EFR3A: variants seen among roughly 807,000 people sequenced by gnomAD.
The protein encoded by EFR3A is EFR3 homolog A.
Under a neutral mutation model 104.4 loss-of-function variants are expected in EFR3A, and 76 were observed. The ratio of observed to expected loss-of-function variants is 0.73; its 90% confidence interval spans 0.60 to 0.88. The LOEUF (loss-of-function observed/expected upper bound fraction) is 0.88. EFR3A is among the 40% of genes least tolerant of loss of function. EFR3A has a pLI of 0.00. For missense variants in EFR3A, 985 were observed against 1,012.5 expected, an observed-to-expected ratio of 0.97 and a Z score of 0.37; for synonymous variants, 330 against 330.0, an observed-to-expected ratio of 1.00 and a Z score of 0.00.
At chr8:131,993,941 G>A (rs148424369) in intron 18 of EFR3A, among the ~76,000 whole-genome samples, 18 of 152,174 alleles carry the variant, frequency 1.2e-4, no homozygotes, top group African/African-American at 4.1e-4. Flanking sequence ...GAGGGTGGAG[G>A]GTGGGAGAAA....
intron 1 of EFR3A, among the ~76,000 whole-genome samples, chr8:131,926,972 G>C (rs1817331278): frequency 6.6e-6 from 1 of 152,050 alleles, no homozygotes; most frequent in African/African-American, 2.4e-5. Context: ...TTTCACGGAG[G>C]GGAAAGATGT....
chr8:131,971,233 C>A (rs547231650), intron 10 of EFR3A, among the ~76,000 whole-genome samples: 11 of 152,072 alleles, frequency 7.2e-5, no homozygotes, highest in Non-Finnish European at 1.5e-4. Flanking sequence ...TTCCTTGAAT[C>A]CAAGATTCAG....
intron 10 of EFR3A, among the ~76,000 whole-genome samples, chr8:131,971,612 C>T (rs1586629471): frequency 6.6e-6 from 1 of 151,364 alleles, no homozygotes; most frequent in African/African-American, 2.4e-5. Flanking sequence ...GGCGTGAACC[C>T]GGGAGGCAGA....
intron 14 of EFR3A, among the ~76,000 whole-genome samples, chr8:131,983,429 G>A (rs1055497949): frequency 4.6e-5 from 7 of 151,974 alleles, no homozygotes; most frequent in Non-Finnish European, 7.4e-5. Flanking sequence ...AGTTAATGTC[G>A]CCATTGTGAC....
chr8:131,937,031 T>G (rs1817931162), intron 1 of EFR3A, among the ~76,000 whole-genome samples: 1 of 152,104 alleles, frequency 6.6e-6, no homozygotes, highest in Non-Finnish European at 1.5e-5. Flanking sequence ...GCCTTGGTCT[T>G]TACTGTGACT....
chr8:131,975,974 T>TA (rs1369413403), intron 10 of EFR3A, 53 bp from the exon 11 acceptor site: 1 of 1,107,480 alleles, frequency 9.0e-7, no homozygotes, highest in African/African-American at 1.6e-5. Flanking sequence ...TTTTGTATTA[T>TA]ATGGAAAAGT....
chr8:131,933,042 T>A (rs1817690679), intron 1 of EFR3A, among the ~76,000 whole-genome samples: 1 of 152,246 alleles, frequency 6.6e-6, no homozygotes, highest in East Asian at 1.9e-4. Flanking sequence ...AAGAAGAAAG[T>A]CACTGCTTAC....
intron 7 of EFR3A, among the ~76,000 whole-genome samples, chr8:131,956,532 T>C (rs1819005778): frequency 6.6e-6 from 1 of 152,190 alleles, no homozygotes. Context: ...TAATATTCTG[T>C]GTAATTTCTG....
intron 10 of EFR3A, among the ~76,000 whole-genome samples, chr8:131,971,204 A>G (rs1298182872): frequency 2.0e-5 from 3 of 152,186 alleles, no homozygotes; most frequent in African/African-American, 7.2e-5. Flanking sequence ...TGACCCAATA[A>G]TGTACTATAT....
chr8:131,927,560 G>A (rs73349349), intron 1 of EFR3A, among the ~76,000 whole-genome samples: 44,923 of 130,530 alleles, frequency 0.34, 7,421 homozygotes, highest in East Asian at 0.53. Context: ...TTTTAGACAC[G>A]GAAGTGAACA....
intron 1 of EFR3A, chr8:131,935,472 A>C: frequency 2.2e-6 from 1 of 445,936 alleles, no homozygotes; most frequent in South Asian, 1.6e-5. Flanking sequence ...ATGAAGGACC[A>C]AAATCCAGTA....
chr8:131,977,600 T>C (rs533684201), intron 12 of EFR3A, among the ~76,000 whole-genome samples: 9 of 152,318 alleles, frequency 5.9e-5, no homozygotes, highest in Middle Eastern at 6.8e-3. Context: ...CTCTGGTTAT[T>C]GTCTAGCAAT....
chr8:132,011,144 G>A lies in EFR3A; in HGVS notation c.*249G>A, dbSNP rs1397409561. 8.6e-7 allele frequency: 1 copy of A among 1,161,204 alleles called. No individual in the cohort carries two copies. Among genetic ancestry groups the A allele is most frequent in the South Asian group, 3.6e-5 (1 of 27,850 alleles). The allele number at this position is 1,161,204 out of a possible 1,614,324, so 71.9% of individuals were successfully genotyped here. A position where few individuals can be genotyped will look rare whatever the true frequency, so the allele number is the denominator to read the frequency against. On this transcript the variant is annotated 3_prime_UTR_variant, in exon 23 of 23. Coordinates refer to ENST00000254624, the MANE Select transcript of EFR3A (RefSeq NM_015137.6). ...CCTGTTGCCTTTTTAAGTTGAACAT[G>A]TTTTGGTTTCACTTTATTCCACTGT...
chr8:132,005,801 A>G (rs948050644), intron 22 of EFR3A, among the ~76,000 whole-genome samples: 3 of 152,148 alleles, frequency 2.0e-5, no homozygotes, highest in African/African-American at 7.2e-5. Flanking sequence ...TGCTAGGCAA[A>G]TACAGAATAT....
At position 131,942,964 on chromosome 8, in the gene EFR3A, G is replaced by A. The variant is rs534236621; in HGVS notation, c.88-1781G>A. Among the ~76,000 whole-genome samples, 3 of 152,198 alleles carry A rather than the reference G, an allele frequency of 2.0e-5. No homozygotes were observed. The South Asian group carries it at 6.2e-4, about 31-fold the overall frequency. ...GCAGAGCAGTGGTTGCCTGAAGAGG[G>A]AGAGATGGCCTGCAAAGGACATGGG... On this transcript the variant is annotated intron_variant, in intron 2 of 22. Coordinates refer to ENST00000254624, the MANE Select transcript of EFR3A (RefSeq NM_015137.6).
intron 1 of EFR3A, among the ~76,000 whole-genome samples, chr8:131,933,603 ACT>A (rs1471690197): frequency 1.3e-5 from 2 of 152,072 alleles, no homozygotes; most frequent in African/African-American, 4.8e-5. Context: ...TCTTTGTGTA[ACT>A]CTGCTGAGTA....
intron 13 of EFR3A, 92 bp from the exon 14 acceptor site, chr8:131,979,254 A>G (rs1332578866): frequency 2.8e-5 from 31 of 1,114,208 alleles, no homozygotes; most frequent in Non-Finnish European, 1.3e-5. Context: ...AGGCTTATCA[A>G]ACTCCTAAGT....
rs1350025232 is a variant in EFR3A, at chr8:131,957,282, G to GTT, written c.776+1377_776+1378insTT. ...AAATAATATATGGATTATGAGAAAA[G>GTT]AACAAAAAGTGCTCTAGCAGATCAA... On this transcript the variant is annotated intron_variant, in intron 7 of 22. Coordinates refer to ENST00000254624, the MANE Select transcript of EFR3A (RefSeq NM_015137.6). Among the ~76,000 whole-genome samples, 7 of 149,658 alleles carry GTT rather than the reference G, an allele frequency of 4.7e-5. No individual in the cohort carries two copies. The East Asian group carries it at 1.2e-3, about 25-fold the overall frequency.
At chr8:131,972,167 C>A (rs750616025) in intron 10 of EFR3A, among the ~76,000 whole-genome samples, 1 of 151,382 alleles carries the variant, frequency 6.6e-6, no homozygotes, top group Non-Finnish European at 1.5e-5. Context: ...GTTTATAATT[C>A]ATTACTGTAG....
Sources: allele counts gnomAD v4.1 joint callset (sites outside exome capture counted in the v4.1 genomes callset), GRCh38; gene constraint gnomAD v4.1.1; transcripts MANE v1.5; gene names NCBI Gene and HGNC (gene_info 2026-07-23, HGNC 2026-07-21).